Variants in ERC2 observed in about 807,000 individuals in gnomAD.
ERC2 encodes the protein ELKS/RAB6-interacting/CAST family member 2, also known as ERC protein 2.
In ERC2, 42 loss-of-function variants were observed where a neutral mutation model predicts 114.8. That is an observed-to-expected ratio of 0.37 (90% CI 0.29 to 0.47). The LOEUF is 0.47. ERC2 is among the 20% of genes least tolerant of loss of function. ERC2 has a pLI of 0.99. For synonymous variants in ERC2, 454 were observed against 425.5 expected (o/e 1.07, Z -0.82); for missense variants, 939 against 1,150.7 (o/e 0.82, Z 2.66).
intron 6 of ERC2, among the ~76,000 whole-genome samples, chr3:56,126,802 A>G (rs372641243): frequency 7.1e-6 from 1 of 140,462 alleles, no homozygotes; most frequent in Non-Finnish European, 1.6e-5. Context: ...GAAGGAAAGG[A>G]AAGGGAAGGA....
At chr3:56,395,716 T>C (rs1392026707) in intron 2 of ERC2, among the ~76,000 whole-genome samples, 2 of 152,232 alleles carry the variant, frequency 1.3e-5, no homozygotes, top group Non-Finnish European at 1.5e-5. Context: ...CCATGTTTCC[T>C]GTGAAGCCTG....
At chr3:56,057,841 T>A (rs962503148) in intron 7 of ERC2, among the ~76,000 whole-genome samples, 1 of 152,038 alleles carries the variant, frequency 6.6e-6, no homozygotes, top group Non-Finnish European at 1.5e-5. Context: ...TAGATTGTAT[T>A]AAAAGGTGAA....
intron 2 of ERC2, 84 bp from the exon 3 acceptor site, chr3:56,296,519 A>G (rs1576319622): frequency 7.2e-7 from 1 of 1,382,084 alleles, no homozygotes; most frequent in African/African-American, 1.4e-5. Flanking sequence ...CTGCCACCAC[A>G]CTATGAAGAT....
intron 10 of ERC2, chr3:56,003,044 C>T (rs878970587): frequency 1.6e-6 from 2 of 1,238,260 alleles, no homozygotes. Flanking sequence ...GACTGGTGAT[C>T]AATGGATCCT....
At chr3:55,566,587 AC>A (rs1321249112) in intron 17 of ERC2, among the ~76,000 whole-genome samples, 3 of 151,876 alleles carry the variant, frequency 2.0e-5, no homozygotes, top group Non-Finnish European at 4.4e-5. Context: ...CTGTGCCACC[AC>A]CCCTGTTTAA....
intron 15 of ERC2, among the ~76,000 whole-genome samples, chr3:55,714,667 G>GTA (rs59969304): frequency 2.0e-4 from 18 of 88,568 alleles, no homozygotes; most frequent in African/African-American, 3.5e-4. Context: ...GTGTGTGTGT[G>GTA]TATATATATA....
At chr3:55,533,781 C>T (rs1267908795) in intron 17 of ERC2, among the ~76,000 whole-genome samples, 2 of 152,166 alleles carry the variant, frequency 1.3e-5, no homozygotes, top group African/African-American at 2.4e-5. Flanking sequence ...CTCACATGCC[C>T]GCACTTCACC....
chr3:55,623,506 A>G (rs1487167633), intron 17 of ERC2, among the ~76,000 whole-genome samples: 1 of 152,142 alleles, frequency 6.6e-6, no homozygotes, highest in African/African-American at 2.4e-5. Flanking sequence ...TCTTGCTTCT[A>G]GTTTCAGTAA....
intron 4 of ERC2, among the ~76,000 whole-genome samples, chr3:56,164,135 C>G (rs1252243957): frequency 6.6e-6 from 1 of 151,988 alleles, no homozygotes; most frequent in Non-Finnish European, 1.5e-5. Context: ...ATAATACACA[C>G]ACCATAAAAT....
chr3:55,656,656 A>G (rs1358416104), intron 17 of ERC2, among the ~76,000 whole-genome samples: 1 of 152,250 alleles, frequency 6.6e-6, no homozygotes. Flanking sequence ...TGAAAGATGT[A>G]TAGACCAAAA....
chr3:55,717,618 T>C (rs900398860), intron 15 of ERC2, among the ~76,000 whole-genome samples: 1 of 152,214 alleles, frequency 6.6e-6, no homozygotes, highest in Non-Finnish European at 1.5e-5. Flanking sequence ...AGCTCTTTTT[T>C]GGATTTGCAC....
intron 13 of ERC2, among the ~76,000 whole-genome samples, chr3:55,929,760 C>A (rs1414259553): frequency 6.6e-6 from 1 of 152,110 alleles, no homozygotes; most frequent in African/African-American, 2.4e-5. Flanking sequence ...CTCAGGAGAT[C>A]TGCTTGTTTA....
At chr3:55,580,067 T>C (rs754353271) in intron 17 of ERC2, among the ~76,000 whole-genome samples, 7 of 152,204 alleles carry the variant, frequency 4.6e-5, no homozygotes, top group African/African-American at 1.7e-4. Context: ...TTTGGGATGA[T>C]TGTATTTAGG....
intron 2 of ERC2, among the ~76,000 whole-genome samples, chr3:56,333,164 T>G (rs2057704183): frequency 6.6e-6 from 1 of 152,216 alleles, no homozygotes; most frequent in Non-Finnish European, 1.5e-5. Flanking sequence ...ACATTTCTTA[T>G]GCTCTCTCTC....
chr3:56,296,654 A>G (rs1462441224), intron 2 of ERC2, among the ~76,000 whole-genome samples: 1 of 152,168 alleles, frequency 6.6e-6, no homozygotes, highest in Non-Finnish European at 1.5e-5. Context: ...TCTTGAGAGA[A>G]GAGAAATGCA....
intron 2 of ERC2, among the ~76,000 whole-genome samples, chr3:56,305,826 C>T (rs1410202099): frequency 6.6e-6 from 1 of 152,186 alleles, no homozygotes; most frequent in Non-Finnish European, 1.5e-5. Flanking sequence ...CAGCCATATC[C>T]ATTGACATAT....
intron 17 of ERC2, chr3:55,610,508 C>A (rs1306158165): frequency 2.3e-5 from 3 of 128,904 alleles, no homozygotes; most frequent in South Asian, 5.5e-4. Context: ...TACGGAAAAA[C>A]ACACACACAC....
At chr3:56,384,217 C>G (rs771873675) in intron 2 of ERC2, among the ~76,000 whole-genome samples, 1 of 152,102 alleles carries the variant, frequency 6.6e-6, no homozygotes, top group Non-Finnish European at 1.5e-5. Flanking sequence ...GGGTATATAT[C>G]CAGAAGTGGA....
chr3:56,350,045 C>T (rs1393671406), intron 2 of ERC2, among the ~76,000 whole-genome samples: 1 of 152,008 alleles, frequency 6.6e-6, no homozygotes, highest in African/African-American at 2.4e-5. Flanking sequence ...ACCCCTGAAA[C>T]TAAAATAAAA....
Sources: allele counts gnomAD v4.1 joint callset (sites outside exome capture counted in the v4.1 genomes callset), GRCh38; gene constraint gnomAD v4.1.1; transcripts MANE v1.5; gene names NCBI Gene and HGNC (gene_info 2026-07-23, HGNC 2026-07-21).